GRID1: variants seen among roughly 807,000 people sequenced by gnomAD.
GRID1 encodes the protein glutamate receptor ionotropic, delta-1.
Under a neutral mutation model 98.0 loss-of-function variants are expected in GRID1, and 28 were observed. That is an observed-to-expected ratio of 0.29 (90% confidence interval 0.21 to 0.39). The LOEUF is 0.39. GRID1 is among the 10% of genes least tolerant of loss of function. GRID1 has a pLI of 1.00. For missense variants in GRID1, 1,111 were observed against 1,340.5 expected (o/e 0.83, Z 2.67); for synonymous variants, 553 against 538.5 (o/e 1.03, Z -0.37).
In GRID1 at chr10:85,727,979, A is replaced by G. The variant is rs1841781018; in HGVS notation, c.1409T>C (p.Val470Ala). 6.2e-7 allele frequency: 1 copy of G among 1,613,788 alleles called. No individual in the cohort carries two copies. The highest frequency in any genetic ancestry group is 1.7e-5 in the Admixed American group (1 of 60,016). The change falls in exon 10 of 16, where the codon GTC (valine) becomes GCC (alanine). Residue 470 changes from valine (V) to alanine (A), a missense_variant. Around this residue, in one of 3 missense-constraint regions of GRID1, gnomAD observed 762 missense variants for 869.1 expected, o/e 0.88. Transcript: ENST00000327946. ...CAGAGCCTTGGCCAGTGCATCCAGG[A>G]CATCTATGGAGAACCCTTTGTAGCG... ...PKRYKGFSID[V>A]LDALAKALGF... is the part of the protein sequence containing the mutation.
chr10:85,892,608 C>T (rs929918923), intron 5 of GRID1, among the ~76,000 whole-genome samples: 13 of 150,550 alleles, frequency 8.6e-5, no homozygotes, highest in African/African-American at 1.2e-4. Flanking sequence ...AAAGCAAAGA[C>T]GTTTTTAGAA....
At chr10:85,838,108 G>T (rs553257042) in intron 8 of GRID1, among the ~76,000 whole-genome samples, 3 of 152,226 alleles carry the variant, frequency 2.0e-5, no homozygotes, top group African/African-American at 7.2e-5. Context: ...GACAAAAACA[G>T]AGAAAAATGA....
At chr10:86,137,184 C>T (rs1011868360) in intron 4 of GRID1, among the ~76,000 whole-genome samples, 4 of 152,178 alleles carry the variant, frequency 2.6e-5, no homozygotes, top group African/African-American at 9.7e-5. Flanking sequence ...GGGCTAAAAT[C>T]CTCTAGAACG....
intron 4 of GRID1, among the ~76,000 whole-genome samples, chr10:86,022,718 G>C (rs1457341336): frequency 6.6e-6 from 1 of 151,946 alleles, no homozygotes; most frequent in Non-Finnish European, 1.5e-5. Context: ...AGGAGTTCGA[G>C]ACCAGCCTGG....
chr10:85,854,666 G>A (rs1315540996), intron 7 of GRID1, 51 bp from the exon 8 acceptor site: 2 of 1,607,280 alleles, frequency 1.2e-6, no homozygotes, highest in Non-Finnish European at 1.7e-6. Context: ...GGTAGAGGAT[G>A]GAGTCCCAAA....
At chr10:85,772,258 T>G (rs536639638) in intron 8 of GRID1, among the ~76,000 whole-genome samples, 16 of 152,218 alleles carry the variant, frequency 1.1e-4, no homozygotes, top group Non-Finnish European at 7.3e-5. Context: ...GAAATAAAGA[T>G]GTTCTTTGAA....
chr10:85,759,144 C>T (rs1271892283), intron 8 of GRID1, among the ~76,000 whole-genome samples: 1 of 152,112 alleles, frequency 6.6e-6, no homozygotes, highest in Admixed American at 6.5e-5. Context: ...GAATCAAGTC[C>T]CTGGCATCAA....
intron 2 of GRID1, among the ~76,000 whole-genome samples, chr10:86,216,105 T>C (rs1407952298): frequency 1.3e-5 from 2 of 152,270 alleles, no homozygotes; most frequent in East Asian, 3.8e-4. Flanking sequence ...CCTCTTGCTC[T>C]TTGGCATTAT....
At chr10:85,922,897 C>T (rs1004554403) in intron 4 of GRID1, among the ~76,000 whole-genome samples, 5 of 152,138 alleles carry the variant, frequency 3.3e-5, no homozygotes, top group African/African-American at 1.2e-4. Flanking sequence ...TCCTGGGGGC[C>T]TGCCTGCTTG....
chr10:85,895,014 A>ATATATATATATATAT (rs1322282990), intron 5 of GRID1, among the ~76,000 whole-genome samples: 26 of 108,624 alleles, frequency 2.4e-4, no homozygotes, highest in African/African-American at 8.9e-4. Context: ...AAAAAAAAAA[A>ATATATATATATATAT]AAATATATAT....
chr10:86,121,328 C>A (rs928509368), intron 4 of GRID1, among the ~76,000 whole-genome samples: 7 of 151,040 alleles, frequency 4.6e-5, no homozygotes, highest in African/African-American at 1.7e-4. Context: ...CACCACATCA[C>A]CATCATCACC....
chr10:85,712,489 C>T (rs1482967804), intron 12 of GRID1, among the ~76,000 whole-genome samples: 1 of 151,748 alleles, frequency 6.6e-6, no homozygotes, highest in Non-Finnish European at 1.5e-5. Flanking sequence ...GACATCAATG[C>T]CCCACTTTCA....
intron 8 of GRID1, among the ~76,000 whole-genome samples, chr10:85,755,183 C>T (rs1452015814): frequency 6.6e-6 from 1 of 152,182 alleles, no homozygotes; most frequent in Non-Finnish European, 1.5e-5. Context: ...CCTGGTCAAA[C>T]TTGCGCAAGC....
intron 4 of GRID1, among the ~76,000 whole-genome samples, chr10:85,959,738 T>C (rs891396391): frequency 6.6e-6 from 1 of 152,248 alleles, no homozygotes; most frequent in Non-Finnish European, 1.5e-5. Context: ...GTCTAATTTC[T>C]ATTACTGAGA....
chr10:85,752,094 T>C (rs1842051642), intron 8 of GRID1, among the ~76,000 whole-genome samples: 2 of 152,214 alleles, frequency 1.3e-5, no homozygotes, highest in South Asian at 4.1e-4. Context: ...AAAGAGTCGA[T>C]GACCCTCTTG....
intron 8 of GRID1, among the ~76,000 whole-genome samples, chr10:85,833,268 G>C (rs981694954): frequency 2.6e-5 from 4 of 152,100 alleles, no homozygotes; most frequent in Non-Finnish European, 5.9e-5. Context: ...TGCCCTGCCT[G>C]GGAAGTGTTC....
At chr10:85,683,061 T>C (rs969600648) in intron 12 of GRID1, among the ~76,000 whole-genome samples, 10 of 152,220 alleles carry the variant, frequency 6.6e-5, no homozygotes, top group African/African-American at 2.4e-4. Context: ...GGTGACAGCC[T>C]GGGCCAGTAG....
At chr10:86,322,282 A>G (rs115582366) in intron 2 of GRID1, among the ~76,000 whole-genome samples, 2,563 of 152,284 alleles carry the variant, frequency 0.017, 45 homozygotes, top group African/African-American at 0.044. Flanking sequence ...CCACCACCTA[A>G]AAGGAATTCC....
At chr10:86,115,124 G>A (rs373295138) in intron 4 of GRID1, among the ~76,000 whole-genome samples, 11 of 152,262 alleles carry the variant, frequency 7.2e-5, no homozygotes, top group African/African-American at 1.9e-4. Flanking sequence ...GGGAGATGGC[G>A]GCTTGTGAGA....
Sources: gnomAD v4.1 joint callset for allele counts (sites outside exome capture counted in the v4.1 genomes callset) on GRCh38, gnomAD v4.1.1 for gene constraint, gnomAD v4.1.1 regional missense constraint, MANE v1.5 for transcripts, NCBI Gene and HGNC (gene_info 2026-07-23, HGNC 2026-07-21) for gene names.